Variants in PHACTR2 observed in about 807,000 individuals in gnomAD.
PHACTR2 encodes the protein chromosome 6 open reading frame 56.
A neutral mutation model predicts 76.0 loss-of-function variants in PHACTR2; 30 were observed. The ratio of observed to expected loss-of-function variants is 0.39; its 90% CI spans 0.30 to 0.54. PHACTR2 has a LOEUF of 0.54. PHACTR2 is among the 20% of genes least tolerant of loss of function. The pLI is 0.61. For missense variants in PHACTR2, 696 were observed against 781.1 expected (o/e 0.89, Z 1.30); for synonymous variants, 292 against 292.5 (o/e 1.00, Z 0.02).
rs9376773 is a variant in PHACTR2, at chr6:143,648,403, G to A, written c.13+40081G>A. Among the ~76,000 whole-genome samples, 77,861 of 151,944 alleles carry A rather than the reference G, an allele frequency of 0.51. 20,129 individuals carry two copies. Among genetic ancestry groups the A allele is most frequent in the South Asian group, 0.61 (2,914 of 4,806 alleles). On this transcript the variant is annotated intron_variant, in intron 1 of 11. Coordinates refer to the PHACTR2 transcript ENST00000305766. This position sits in a 1 kb window ranked among gnomAD's most constrained non-coding sequence, Gnocchi z 6.7. Reference sequence around the variant, plus strand: ...TCCTCAAAAGAATTAAATTCAAAGGGCAAAGGGGTAGAAAATGGATCTGAC... The same window carrying A: ...TCCTCAAAAGAATTAAATTCAAAGGACAAAGGGGTAGAAAATGGATCTGAC...
chr6:143,729,590 T>A (rs562213078), intron 2 of PHACTR2, among the ~76,000 whole-genome samples: 1 of 152,290 alleles, frequency 6.6e-6, no homozygotes, highest in Admixed American at 6.5e-5. Context: ...GTTGAAAAGA[T>A]CATCCTTTTT....
rs1214392046 is a variant in PHACTR2 at position 143,753,022 on chromosome 6, T to C, written c.296-732T>C. On this transcript the variant is annotated intron_variant, in intron 3 of 12. Coordinates refer to ENST00000440869, the MANE Select transcript of PHACTR2 (RefSeq NM_001100164.2). This position sits in a 1 kb window ranked among gnomAD's most constrained non-coding sequence, Gnocchi z 4.6. The stretch of plus-strand genomic sequence containing the variant: ...TCTCTCAACATTGTATCCATTATGG[T>C]TTTTTAAAATTCCTTTGTGATTACT... 1.3e-5 allele frequency among the ~76,000 whole-genome samples: 2 copies of C among 152,046 alleles called. No individual in the cohort carries two copies. Among genetic ancestry groups the C allele is most frequent in the East Asian group, 3.8e-4 (2 of 5,196 alleles).
rs1273151738 is a variant in PHACTR2, at chr6:143,827,152, G to GAAAAAAA, written c.*3467_*3468insAAAAAAA. 1 of 39,900 alleles carries GAAAAAAA rather than the reference G, an allele frequency of 2.5e-5. No individual in the cohort carries two copies. The highest frequency in any genetic ancestry group is 9.0e-5 in the African/African-American group (1 of 11,094). The allele number at this position is 39,900 out of a possible 1,614,324, so 2.5% of individuals were successfully genotyped here. On this transcript the variant is annotated 3_prime_UTR_variant, in exon 13 of 13. Transcript: ENST00000440869. ...TCAGGGCTGCGTTGGCATTAAAAAA[G>GAAAAAAA]AAAATATATATATATATATATATAT...
intron 2 of PHACTR2, among the ~76,000 whole-genome samples, chr6:143,717,352 A>G (rs1778327011): frequency 6.6e-6 from 1 of 152,142 alleles, no homozygotes; most frequent in Non-Finnish European, 1.5e-5. Flanking sequence ...GGACATGTTT[A>G]TTTTAACTTG....
intron 6 of PHACTR2, among the ~76,000 whole-genome samples, chr6:143,769,447 T>C (rs937717381): frequency 4.6e-5 from 7 of 152,138 alleles, no homozygotes; most frequent in Non-Finnish European, 1.0e-4. Flanking sequence ...CATAACTCAT[T>C]AAGTGTAAAA....
Position 143,678,245 on chromosome 6 carries a change from G to A in PHACTR2, c.46+36G>A. ...GGCGCACGCGATGCGCTCCCGCCGC[G>A]CGGGCGCAGGGCTGGCGGCGGGGCC... On this transcript the variant is annotated intron_variant, in intron 1 of 12. Coordinates refer to ENST00000440869, the MANE Select transcript of PHACTR2 (RefSeq NM_001100164.2). The surrounding 1 kb of genome is among the most constrained non-coding windows in gnomAD (Gnocchi z 6.2). The A allele has an allele frequency of 1.4e-6, 2 of 1,454,416 alleles. No homozygotes were observed. The highest frequency in any genetic ancestry group is 1.5e-5 in the African/African-American group (1 of 67,100). The allele number at this position is 1,454,416 out of a possible 1,614,324, so 90.1% of individuals were successfully genotyped here.
chr6:143,573,064 AC>A (rs1210950263), intron 1 of PHACTR2, among the ~76,000 whole-genome samples: 2 of 152,170 alleles, frequency 1.3e-5, no homozygotes, highest in African/African-American at 4.8e-5. Flanking sequence ...GTTCTCATAG[AC>A]CCTTCACTGG....
chr6:143,640,827 A>G (rs1028792581), intron 1 of PHACTR2, among the ~76,000 whole-genome samples: 2 of 152,196 alleles, frequency 1.3e-5, no homozygotes, highest in African/African-American at 2.4e-5. Flanking sequence ...AGACCTTTAC[A>G]GGTGTAATTA....
chr6:143,559,690 CTTTTTTTTTTTTTTTTTTTTTTTTT>C (rs5880566), intron 1 of PHACTR2, among the ~76,000 whole-genome samples: 5 of 31,894 alleles, frequency 1.6e-4, no homozygotes, highest in African/African-American at 2.5e-4. Flanking sequence ...TTTTTCTTTT[CTTTTTTTTTTTTTTTTTTTTTTTTT>C]TTTTTTTTTT....
intron 1 of PHACTR2, among the ~76,000 whole-genome samples, chr6:143,691,327 T>G (rs1187958735): frequency 6.6e-6 from 1 of 152,186 alleles, no homozygotes; most frequent in Non-Finnish European, 1.5e-5. Context: ...ATGTGTGTCT[T>G]TCTCTTTACT....
rs1043606837 is a variant in PHACTR2 at position 143,617,868 on chromosome 6, G to A, written c.13+9546G>A. Among the ~76,000 whole-genome samples, 1 of 152,232 alleles carries A rather than the reference G, an allele frequency of 6.6e-6. No individual in the cohort carries two copies. Among genetic ancestry groups the A allele is most frequent in the East Asian group, 1.9e-4 (1 of 5,206 alleles). ...GAGTCTGTAGACTGGATCAAAGAAG[G>A]TGGTTACGGAGAGACTTAGTCACCT... is the stretch of plus-strand genomic sequence containing the variant. On this transcript the variant is annotated intron_variant, in intron 1 of 11. Coordinates refer to the PHACTR2 transcript ENST00000305766. This position sits in a 1 kb window ranked among gnomAD's most constrained non-coding sequence, Gnocchi z 4.8.
intron 1 of PHACTR2, among the ~76,000 whole-genome samples, chr6:143,615,207 T>C (rs1274878717): frequency 6.6e-5 from 10 of 152,214 alleles, no homozygotes; most frequent in Admixed American, 6.5e-4. Flanking sequence ...AAGCCAGTAA[T>C]TTATAAACTT....
At chr6:143,685,705 A>G (rs78845044) in intron 1 of PHACTR2, among the ~76,000 whole-genome samples, 31 of 150,692 alleles carry the variant, frequency 2.1e-4, no homozygotes, top group African/African-American at 5.4e-4. Flanking sequence ...AAAAAAAAAA[A>G]GGGATGCAAC....
chr6:143,737,543 G>A lies in PHACTR2; in HGVS notation c.215-11442G>A, dbSNP rs531772171. Among the ~76,000 whole-genome samples the A allele has an allele frequency of 2.0e-5, 3 of 152,248 alleles. No individual in the cohort carries two copies. In the East Asian group the frequency reaches 5.8e-4, roughly 29 times the overall value. On this transcript the variant is annotated intron_variant, in intron 2 of 12. Transcript: ENST00000440869. ...TAGCCTTTCAGTCTTCAAGAAGGAT[G>A]AGACCCTGATATTACCCAAATAATC...
chr6:143,580,289 T>A lies in PHACTR2; in HGVS notation c.217+43082T>A, dbSNP rs1775557434. On this transcript the variant is annotated intron_variant, in intron 1 of 11. Coordinates refer to the PHACTR2 transcript ENST00000367584. The surrounding 1 kb of genome is among the most constrained non-coding windows in gnomAD (Gnocchi z 4.2). ...TCACGAGGTCAGGAAATCGAGACCA[T>A]CTTGGCCAACACGGTGAAACCCCGT... Among the ~76,000 whole-genome samples, 1 of 152,002 alleles carries A rather than the reference T, an allele frequency of 6.6e-6. No homozygotes were observed. The highest frequency in any genetic ancestry group is 6.6e-5 in the Admixed American group (1 of 15,264).
In PHACTR2 at chr6:143,641,442, C is replaced by T. The variant is rs1383545306; in HGVS notation, c.13+33120C>T. Among the ~76,000 whole-genome samples, 1 of 152,188 alleles carries T rather than the reference C, an allele frequency of 6.6e-6. No individual in the cohort carries two copies. Among genetic ancestry groups the T allele is most frequent in the South Asian group, 2.1e-4 (1 of 4,824 alleles). On this transcript the variant is annotated intron_variant, in intron 1 of 11. Coordinates refer to the PHACTR2 transcript ENST00000305766. This position sits in a 1 kb window ranked among gnomAD's most constrained non-coding sequence, Gnocchi z 5.8. Reference sequence around the variant, plus strand: ...CGAGCACTGCCCTGCCAATTCCTGACTTCTTACCTTCAGATCTGTGAAATA... The same window carrying T: ...CGAGCACTGCCCTGCCAATTCCTGATTTCTTACCTTCAGATCTGTGAAATA...
At chr6:143,673,808 G>A (rs956070854), upstream of PHACTR2, among the ~76,000 whole-genome samples, 14 of 151,862 alleles carry the variant, frequency 9.2e-5, no homozygotes, top group Non-Finnish European at 1.3e-4. Context: ...GCCACACCCC[G>A]CCTCTGCAGA....
At chr6:143,569,245 C>A (rs1016116073) in intron 1 of PHACTR2, among the ~76,000 whole-genome samples, 1 of 152,104 alleles carries the variant, frequency 6.6e-6, no homozygotes, top group African/African-American at 2.4e-5. Context: ...GTGCATAATT[C>A]TCCAGGCTTT....
chr6:143,645,605 C>T (rs1259000418), intron 1 of PHACTR2, among the ~76,000 whole-genome samples: 6 of 152,066 alleles, frequency 3.9e-5, no homozygotes, highest in Non-Finnish European at 7.4e-5. Context: ...GTGAATTGCT[C>T]ATAGGAAGAG....
Sources: gnomAD v4.1 joint callset for allele counts (sites outside exome capture counted in the v4.1 genomes callset) on GRCh38, gnomAD v4.1.1 for gene constraint, Gnocchi (gnomAD v3.1) non-coding constraint, MANE v1.5 for transcripts, NCBI Gene and HGNC (gene_info 2026-07-23, HGNC 2026-07-21) for gene names.